The following ARHGAP24 variants were observed in gnomAD, a reference collection of about 807,000 sequenced individuals.
The protein encoded by ARHGAP24 is rho GTPase-activating protein 24.
In ARHGAP24, 50 loss-of-function variants were observed where a neutral mutation model predicts 76.4. The observed-to-expected ratio is 0.65, with a 90% confidence interval of 0.52 to 0.83. The LOEUF is 0.83. Ranked by LOEUF, ARHGAP24 falls within the 40% of genes least tolerant of loss-of-function variation. The probability of loss-of-function intolerance (pLI) is 0.00; values close to 1 mark genes in which losing one functional copy is unlikely to be tolerated. For synonymous variants in ARHGAP24, 345 were observed against 323.3 expected (o/e 1.07, Z -0.72); for missense variants, 930 against 914.2 (o/e 1.02, Z -0.22).
chr4:85,940,946 G>A (rs1736917929), intron 4 of ARHGAP24, among the ~76,000 whole-genome samples: 1 of 152,132 alleles, frequency 6.6e-6, no homozygotes, highest in African/African-American at 2.4e-5. Context: ...TATTTTACAG[G>A]TGGGGAGGCA....
At position 85,637,891 on chromosome 4, in the gene ARHGAP24, G is replaced by T. The variant is rs368953774; in HGVS notation, c.180+67170G>T. On this transcript the variant is annotated intron_variant, in intron 2 of 9. Transcript: ENST00000395184. ...AAAAGGAACATGTATTAACACAGGA[G>T]ATAATTGCTCAGAACTAAGCCTGTG... Among the ~76,000 whole-genome samples, 3 of 152,004 alleles carry T rather than the reference G, an allele frequency of 2.0e-5. No individual in the cohort carries two copies. In the East Asian group the frequency reaches 5.8e-4, roughly 29 times the overall value.
chr4:85,679,111 A>G (rs1723105280), intron 2 of ARHGAP24, among the ~76,000 whole-genome samples: 1 of 152,194 alleles, frequency 6.6e-6, no homozygotes, highest in South Asian at 2.1e-4. Context: ...GAGCATGGCA[A>G]GACAAGTTAT....
At chr4:85,541,322 T>G (rs956727823) in intron 1 of ARHGAP24, among the ~76,000 whole-genome samples, 44 of 136,134 alleles carry the variant, frequency 3.2e-4, no homozygotes, top group Admixed American at 2.9e-3. Context: ...CCCGGCTAAT[T>G]TTTTGTATTT....
At chr4:85,841,440 A>G (rs1730591195) in intron 3 of ARHGAP24, among the ~76,000 whole-genome samples, 1 of 152,218 alleles carries the variant, frequency 6.6e-6, no homozygotes, top group South Asian at 2.1e-4. Flanking sequence ...TTCCTCATCT[A>G]TGAAATGGGA....
At chr4:85,487,740 AT>A (rs1332555613) in intron 1 of ARHGAP24, among the ~76,000 whole-genome samples, 2 of 103,716 alleles carry the variant, frequency 1.9e-5, no homozygotes, top group Non-Finnish European at 3.4e-5. Flanking sequence ...TATATATTAT[AT>A]AATATATATT....
chr4:85,853,757 C>T (rs1384556807), intron 3 of ARHGAP24, among the ~76,000 whole-genome samples: 1 of 152,052 alleles, frequency 6.6e-6, no homozygotes, highest in Non-Finnish European at 1.5e-5. Flanking sequence ...AGATCAAGAC[C>T]ATCCTGGCCA....
chr4:85,749,329 A>G (rs149809405), intron 3 of ARHGAP24, among the ~76,000 whole-genome samples: 233 of 152,338 alleles, frequency 1.5e-3, no homozygotes, highest in African/African-American at 5.4e-3. Context: ...GTTATTCCAT[A>G]TTGTTATGTC....
In ARHGAP24 at chr4:85,641,292, T is replaced by A. The variant is rs190722154; in HGVS notation, c.180+70571T>A. 1.5e-4 allele frequency among the ~76,000 whole-genome samples: 23 copies of A among 152,304 alleles called. No homozygotes were observed. In the East Asian group the frequency reaches 3.7e-3, roughly 24 times the overall value. On this transcript the variant is annotated intron_variant, in intron 2 of 9. Transcript: ENST00000395184. Reference sequence around the variant, plus strand: ...TCCCCTTTTTTGTACATCATTCTTTTGCATATGAATGCAAAAGATGAGCTA... The same window carrying A: ...TCCCCTTTTTTGTACATCATTCTTTAGCATATGAATGCAAAAGATGAGCTA...
intron 2 of ARHGAP24, among the ~76,000 whole-genome samples, chr4:85,700,690 TA>T (rs1163809327): frequency 4.6e-5 from 7 of 152,090 alleles, no homozygotes; most frequent in Non-Finnish European, 7.4e-5. Context: ...TATATATGAA[TA>T]ACAAATCAAG....
chr4:85,496,841 T>C (rs2110096835), intron 1 of ARHGAP24, among the ~76,000 whole-genome samples: 1 of 152,328 alleles, frequency 6.6e-6, no homozygotes, highest in South Asian at 2.1e-4. Flanking sequence ...AAATGTGTTT[T>C]GGTGAAAGTC....
chr4:85,783,426 T>G (rs1043741548), intron 3 of ARHGAP24, among the ~76,000 whole-genome samples: 1 of 152,210 alleles, frequency 6.6e-6, no homozygotes, highest in African/African-American at 2.4e-5. Flanking sequence ...CTCATTTGAT[T>G]ATTTCAGAAC....
At chr4:85,848,807 T>A (rs567876858) in intron 3 of ARHGAP24, among the ~76,000 whole-genome samples, 119 of 152,322 alleles carry the variant, frequency 7.8e-4, no homozygotes, top group Non-Finnish European at 8.8e-4. Context: ...TTGGTCTATA[T>A]CTCTGTTTTG....
At chr4:85,510,273 T>C (rs1332904403) in intron 1 of ARHGAP24, among the ~76,000 whole-genome samples, 2 of 152,210 alleles carry the variant, frequency 1.3e-5, no homozygotes, top group African/African-American at 4.8e-5. Flanking sequence ...TGCCATGGAA[T>C]GTGTCTTATT....
intron 3 of ARHGAP24, among the ~76,000 whole-genome samples, chr4:85,758,443 G>A (rs1015993497): frequency 1.3e-5 from 2 of 152,142 alleles, no homozygotes; most frequent in African/African-American, 2.4e-5. Flanking sequence ...AGGTAAGGAG[G>A]TGCTCAACTC....
intron 3 of ARHGAP24, among the ~76,000 whole-genome samples, chr4:85,824,143 C>G (rs1729601985): frequency 6.6e-6 from 1 of 152,092 alleles, no homozygotes; most frequent in African/African-American, 2.4e-5. Flanking sequence ...GTTAAGAGAC[C>G]TCATACAGAT....
chr4:85,731,227 T>C (rs1725397146), intron 3 of ARHGAP24, among the ~76,000 whole-genome samples: 1 of 151,934 alleles, frequency 6.6e-6, no homozygotes, highest in African/African-American at 2.4e-5. Flanking sequence ...AGGCCAAATA[T>C]CTGAGACTTA....
intron 2 of ARHGAP24, among the ~76,000 whole-genome samples, chr4:85,693,809 A>G (rs945515095): frequency 1.1e-4 from 17 of 152,218 alleles, no homozygotes; most frequent in Non-Finnish European, 1.5e-5. Context: ...GGAGATGGAA[A>G]GCCCAGGGGG....
At chr4:85,695,635 T>A (rs906808283) in intron 2 of ARHGAP24, among the ~76,000 whole-genome samples, 1 of 152,158 alleles carries the variant, frequency 6.6e-6, no homozygotes, top group Non-Finnish European at 1.5e-5. Context: ...ATGTTAAAAG[T>A]CTGAAGCTAA....
At chr4:85,981,412 A>C (rs2148860162) in intron 8 of ARHGAP24, among the ~76,000 whole-genome samples, 1 of 152,298 alleles carries the variant, frequency 6.6e-6, no homozygotes, top group East Asian at 1.9e-4. Context: ...TAGTGTTGAT[A>C]TTAACAAATC....
Sources: gnomAD v4.1 joint callset for allele counts (sites outside exome capture counted in the v4.1 genomes callset) on GRCh38, gnomAD v4.1.1 for gene constraint, MANE v1.5 for transcripts, NCBI Gene and HGNC (gene_info 2026-07-23, HGNC 2026-07-21) for gene names.